CLCN3: variants seen among roughly 807,000 people sequenced by gnomAD.
CLCN3 encodes the protein Cl-/H+ antiporter 3.
CLCN3 carries 16 observed loss-of-function variants against 83.4 expected under a neutral mutation model. The ratio of observed to expected loss-of-function variants is 0.19; its 90% CI spans 0.13 to 0.29. The LOEUF (loss-of-function observed/expected upper bound fraction) is 0.29. Among genes scored for constraint, CLCN3 ranks in the 10% least tolerant of loss-of-function variants. The probability of loss-of-function intolerance (pLI) is 1.00; values close to 1 mark genes in which losing one functional copy is unlikely to be tolerated. For missense variants in CLCN3, 544 were observed against 1,006.0 expected, an observed-to-expected ratio of 0.54 and a Z score of 6.21; for synonymous variants, 322 against 346.2, an observed-to-expected ratio of 0.93 and a Z score of 0.78.
At chr4:169,667,666 ATTAAG>A (rs1408614161) in intron 2 of CLCN3, among the ~76,000 whole-genome samples, 3 of 152,008 alleles carry the variant, frequency 2.0e-5, no homozygotes, top group Non-Finnish European at 4.4e-5. Flanking sequence ...GGCATAATGA[ATTAAG>A]TTATCTGTTA....
chr4:169,632,037 G>C (rs1039625084), intron 1 of CLCN3, among the ~76,000 whole-genome samples: 1 of 152,142 alleles, frequency 6.6e-6, no homozygotes, highest in Non-Finnish European at 1.5e-5. Context: ...CAAAAAATGA[G>C]GAGGGGCTCC....
At chr4:169,638,337 G>A (rs1730300049) in intron 2 of CLCN3, among the ~76,000 whole-genome samples, 1 of 152,114 alleles carries the variant, frequency 6.6e-6, no homozygotes, top group South Asian at 2.1e-4. Flanking sequence ...AATAGGTCAA[G>A]AATGAAAATG....
At chr4:169,714,318 A>G (rs1733343386) in intron 12 of CLCN3, among the ~76,000 whole-genome samples, 1 of 152,022 alleles carries the variant, frequency 6.6e-6, no homozygotes, top group Non-Finnish European at 1.5e-5. Context: ...TAGAAAACAC[A>G]TTGGTGACAG....
intron 1 of CLCN3, among the ~76,000 whole-genome samples, chr4:169,633,250 A>G (rs988651046): frequency 1.3e-5 from 2 of 152,170 alleles, no homozygotes; most frequent in Non-Finnish European, 2.9e-5. Context: ...ACCTCAAGCG[A>G]TCCAGCTGCC....
At chr4:169,677,195 TTC>T (rs1359051123) in intron 2 of CLCN3, among the ~76,000 whole-genome samples, 1 of 152,066 alleles carries the variant, frequency 6.6e-6, no homozygotes, top group Non-Finnish European at 1.5e-5. Context: ...TTTTTTTTAA[TTC>T]TCTTTGTATC....
rs555873860 is a variant in CLCN3, at chr4:169,657,719, C to G, written c.160+21631C>G. Among the ~76,000 whole-genome samples the G allele has an allele frequency of 2.0e-5, 3 of 152,182 alleles. No homozygotes were observed. In the East Asian group the frequency reaches 5.8e-4, roughly 29 times the overall value. ...CGTTCGAAAGTAAAAATAACTTCTC[C>G]TTTTGAATTTTGATGGCTTCATGTG... On this transcript the variant is annotated intron_variant, in intron 2 of 12. Coordinates refer to ENST00000513761, the MANE Select transcript of CLCN3 (RefSeq NM_001829.4).
chr4:169,624,520 C>A (rs1773183978), intron 1 of CLCN3, among the ~76,000 whole-genome samples: 1 of 152,104 alleles, frequency 6.6e-6, no homozygotes, highest in Non-Finnish European at 1.5e-5. Flanking sequence ...CTGCCCACCT[C>A]GGCATCCCAA....
At chr4:169,654,284 C>T (rs755148657) in intron 2 of CLCN3, among the ~76,000 whole-genome samples, 22 of 151,924 alleles carry the variant, frequency 1.4e-4, no homozygotes, top group Admixed American at 3.3e-4. Context: ...CTTTCTCTCC[C>T]CTTGCCCTCC....
chr4:169,656,767 T>C, intron 2 of CLCN3, among the ~76,000 whole-genome samples: 2 of 152,058 alleles, frequency 1.3e-5, no homozygotes, highest in South Asian at 4.1e-4. Flanking sequence ...AAGACCTATC[T>C]CTACAAAAAA....
intron 12 of CLCN3, among the ~76,000 whole-genome samples, chr4:169,714,133 T>C (rs1398774194): frequency 1.3e-5 from 2 of 152,224 alleles, no homozygotes; most frequent in Non-Finnish European, 2.9e-5. Flanking sequence ...CACTATATAT[T>C]CTTTCTTGTT....
chr4:169,645,717 A>C (rs1320882291), intron 2 of CLCN3, among the ~76,000 whole-genome samples: 1 of 152,178 alleles, frequency 6.6e-6, no homozygotes, highest in East Asian at 1.9e-4. Context: ...GAATACTAGT[A>C]GTATTCCAAT....
rs894010989 is a variant in CLCN3 at position 169,654,931 on chromosome 4, G to A, written c.160+18843G>A. ...TATTCTCCTTGTTTGTTTCTATTAA[G>A]TATTTTAAAAATTTTCACTGTATTT... On this transcript the variant is annotated intron_variant, in intron 2 of 12. Coordinates refer to ENST00000513761, the MANE Select transcript of CLCN3 (RefSeq NM_001829.4). Among the ~76,000 whole-genome samples the A allele has an allele frequency of 1.5e-4, 23 of 152,150 alleles. No homozygotes were observed. The East Asian group carries it at 3.9e-3, about 25-fold the overall frequency.
intron 10 of CLCN3, among the ~76,000 whole-genome samples, chr4:169,705,540 T>C (rs1475211750): frequency 6.6e-6 from 1 of 152,148 alleles, no homozygotes; most frequent in Non-Finnish European, 1.5e-5. Flanking sequence ...GAGGATTATA[T>C]GAGATAAAAT....
chr4:169,715,896 T>G (rs1259284121), intron 12 of CLCN3, among the ~76,000 whole-genome samples: 1 of 152,170 alleles, frequency 6.6e-6, no homozygotes, highest in African/African-American at 2.4e-5. Flanking sequence ...ACTATGGAAC[T>G]CCTCAGAACT....
chr4:169,675,541 C>A (rs984855965), intron 2 of CLCN3, among the ~76,000 whole-genome samples: 2 of 152,108 alleles, frequency 1.3e-5, no homozygotes, highest in African/African-American at 4.8e-5. Context: ...AGTGCCACTT[C>A]TTATATTCTA....
At chr4:169,688,585 A>G (rs1045802184) in intron 4 of CLCN3, among the ~76,000 whole-genome samples, 5 of 152,236 alleles carry the variant, frequency 3.3e-5, no homozygotes, top group African/African-American at 1.2e-4. Context: ...TTATATTCTC[A>G]CAATAAAATA....
chr4:169,708,315 A>G (rs1733069524), intron 11 of CLCN3, among the ~76,000 whole-genome samples: 1 of 152,210 alleles, frequency 6.6e-6, no homozygotes, highest in Non-Finnish European at 1.5e-5. Flanking sequence ...AGAGAGAGAA[A>G]AAAGAAAGGA....
intron 1 of CLCN3, among the ~76,000 whole-genome samples, chr4:169,632,698 C>CA (rs1773405698): frequency 8.9e-6 from 1 of 112,298 alleles, no homozygotes; most frequent in Non-Finnish European, 1.6e-5. Context: ...GCCTGGGTGA[C>CA]AGAGCGAGAC....
rs770134646 is a variant in CLCN3, at chr4:169,704,198, G to A, written c.1750+14G>A. 13 of 1,603,234 alleles carry A rather than the reference G, an allele frequency of 8.1e-6. No individual in the cohort carries two copies. The East Asian group carries it at 2.9e-4, about 36-fold the overall frequency. On this transcript the variant is annotated intron_variant, in intron 10 of 12. Transcript: ENST00000513761. ...CTGCATGCTTAGGTAATATGGCTGT[G>A]TCTGCCTGTGTGTGGATGTTTGCAA...
Sources: allele counts gnomAD v4.1 joint callset (sites outside exome capture counted in the v4.1 genomes callset), GRCh38; gene constraint gnomAD v4.1.1; transcripts MANE v1.5; gene names NCBI Gene and HGNC (gene_info 2026-07-23, HGNC 2026-07-21).